Variants in MMRN1 observed in about 807,000 individuals in gnomAD.
The protein encoded by MMRN1 is multimerin-1.
MMRN1 carries 94 observed loss-of-function variants against 100.7 expected under a neutral mutation model. The observed-to-expected ratio is 0.93, with a 90% CI of 0.79 to 1.11. The LOEUF is 1.11. MMRN1 is among the 50% of genes least tolerant of loss of function. The probability of loss-of-function intolerance (pLI) is 0.00; values close to 1 mark genes in which losing one functional copy is unlikely to be tolerated. For synonymous variants in MMRN1, 575 were observed against 505.0 expected, an observed-to-expected ratio of 1.14 and a Z score of -1.86; for missense variants, 1,606 against 1,439.1, an observed-to-expected ratio of 1.12 and a Z score of -1.88.
intron 1 of MMRN1, among the ~76,000 whole-genome samples, chr4:89,889,132 C>T (rs1720996965): frequency 6.6e-6 from 1 of 152,002 alleles, no homozygotes; most frequent in Non-Finnish European, 1.5e-5. Context: ...TAATATAAAC[C>T]AAAATTGTTG....
chr4:89,923,191 C>T lies in MMRN1; in HGVS notation c.874C>T (p.His292Tyr), dbSNP rs781379902. The change falls in exon 4 of 8, where the codon CAC becomes TAC. Residue 292 changes from histidine (H) to tyrosine (Y), a missense_variant. Physicochemically the swap from His to Tyr is moderately conservative, Grantham distance 83. Transcript: ENST00000264790. Reference protein sequence around the residue: ...LRAQEQQSLIHTNQAESHTAV... With the variant: ...LRAQEQQSLIYTNQAESHTAV... ...AGCCCAGGAACAGCAAAGTTTGATA[C>T]ACACCAACCAGGCTGAAAGTCATAC... is the stretch of plus-strand genomic sequence containing the variant. 14 of 1,613,806 alleles carry T rather than the reference C, an allele frequency of 8.7e-6. No individual in the cohort carries two copies. In the Admixed American group the frequency reaches 2.2e-4, roughly 25 times the overall value.
intron 5 of MMRN1, 47 bp from the exon 6 acceptor site, chr4:89,934,763 G>A (rs745671888): frequency 1.8e-6 from 2 of 1,120,568 alleles, no homozygotes; most frequent in Middle Eastern, 6.3e-4. Flanking sequence ...GATGCTTAAA[G>A]TCTCATATAA....
intron 6 of MMRN1, among the ~76,000 whole-genome samples, chr4:89,941,963 T>C (rs866793780): frequency 6.6e-5 from 10 of 152,150 alleles, no homozygotes; most frequent in African/African-American, 2.4e-4. Context: ...TATGGAAGAA[T>C]GATGACAGCT....
chr4:89,920,042 G>A (rs1722039208), intron 3 of MMRN1, among the ~76,000 whole-genome samples: 1 of 152,070 alleles, frequency 6.6e-6, no homozygotes, highest in Admixed American at 6.6e-5. Context: ...GTTTTCAGAT[G>A]TTGCCACAGT....
intron 1 of MMRN1, among the ~76,000 whole-genome samples, chr4:89,904,075 T>C (rs1033766053): frequency 6.6e-6 from 1 of 151,548 alleles, no homozygotes; most frequent in Non-Finnish European, 1.5e-5. Context: ...AACTCTGATG[T>C]TGCCAGAAAT....
intron 1 of MMRN1, among the ~76,000 whole-genome samples, chr4:89,880,766 G>A (rs1294734531): frequency 6.6e-6 from 1 of 152,076 alleles, no homozygotes; most frequent in South Asian, 2.1e-4. Context: ...GTAATCATGG[G>A]AAGAAGAATA....
At chr4:89,942,142 T>C (rs1722850403) in intron 6 of MMRN1, among the ~76,000 whole-genome samples, 1 of 152,166 alleles carries the variant, frequency 6.6e-6, no homozygotes, top group African/African-American at 2.4e-5. Flanking sequence ...TGGGATGGAA[T>C]TCCAGGTTCC....
chr4:89,903,885 A>G (rs1721469806), intron 1 of MMRN1, among the ~76,000 whole-genome samples: 1 of 134,672 alleles, frequency 7.4e-6, no homozygotes, highest in Admixed American at 8.0e-5. Flanking sequence ...ACCCTTGCCT[A>G]ATTCAGGATT....
At chr4:89,887,935 GCTCT>G (rs1216098136) in intron 1 of MMRN1, among the ~76,000 whole-genome samples, 4 of 151,762 alleles carry the variant, frequency 2.6e-5, no homozygotes, top group East Asian at 1.9e-4. Context: ...AAATTATAAT[GCTCT>G]CTCTCTTCTT....
At chr4:89,915,220 TC>T (rs1721874295) in intron 3 of MMRN1, among the ~76,000 whole-genome samples, 1 of 151,622 alleles carries the variant, frequency 6.6e-6, no homozygotes, top group Non-Finnish European at 1.5e-5. Flanking sequence ...ATCTAGTTCT[TC>T]CCAGCAGTAG....
At chr4:89,928,324 T>G (rs1032259683) in intron 5 of MMRN1, among the ~76,000 whole-genome samples, 1 of 152,156 alleles carries the variant, frequency 6.6e-6, no homozygotes, top group East Asian at 1.9e-4. Context: ...GATAGCTAGT[T>G]GCATGGTTGT....
At chr4:89,905,102 A>C (rs1721523899) in intron 1 of MMRN1, among the ~76,000 whole-genome samples, 1 of 151,624 alleles carries the variant, frequency 6.6e-6, no homozygotes, top group South Asian at 2.1e-4. Flanking sequence ...AACACTTATA[A>C]AAAAATATAA....
chr4:89,927,384 A>G (rs1291171190), intron 4 of MMRN1, among the ~76,000 whole-genome samples: 1 of 152,060 alleles, frequency 6.6e-6, no homozygotes, highest in African/African-American at 2.4e-5. Flanking sequence ...GGCTATTGTA[A>G]ATGAGATTAC....
intron 7 of MMRN1, 25 bp from the exon 8 acceptor site, chr4:89,952,972 C>T (rs777485275): frequency 5.8e-6 from 9 of 1,539,322 alleles, no homozygotes; most frequent in East Asian, 2.3e-5. Flanking sequence ...TGAAAATTAA[C>T]TCTTGCCATT....
rs1721674394 is a variant in MMRN1, at chr4:89,909,414, A to T, written c.743+19A>T. On this transcript the variant is annotated intron_variant, in intron 2 of 7. Coordinates refer to ENST00000264790, the MANE Select transcript of MMRN1 (RefSeq NM_007351.3). The stretch of plus-strand genomic sequence containing the variant: ...CTCAGAGGTATGTAATATTTCTTGA[A>T]AATAGCCACTGTTTTTGCACCATAA... 1 of 1,607,690 alleles carries T rather than the reference A, an allele frequency of 6.2e-7. No homozygotes were observed. The highest frequency in any genetic ancestry group is 8.5e-7 in the Non-Finnish European group (1 of 1,176,228).
At chr4:89,908,931 G>A (rs897820812) in intron 1 of MMRN1, among the ~76,000 whole-genome samples, 3 of 151,148 alleles carry the variant, frequency 2.0e-5, no homozygotes, top group Non-Finnish European at 3.0e-5. Context: ...TAATGGACCC[G>A]GATCTGAGTT....
chr4:89,906,099 A>C (rs1181974958), intron 1 of MMRN1, among the ~76,000 whole-genome samples: 1 of 151,506 alleles, frequency 6.6e-6, no homozygotes, highest in Non-Finnish European at 1.5e-5. Context: ...AATTGGTATG[A>C]CTGGGCCATT....
At chr4:89,946,832 AT>A (rs764117630) in intron 6 of MMRN1, among the ~76,000 whole-genome samples, 1 of 152,222 alleles carries the variant, frequency 6.6e-6, no homozygotes, top group Non-Finnish European at 1.5e-5. Flanking sequence ...AAATTTATAA[AT>A]GAAATATCAG....
chr4:89,902,612 A>G (rs770469189), intron 1 of MMRN1, among the ~76,000 whole-genome samples: 43 of 152,086 alleles, frequency 2.8e-4, no homozygotes, highest in Non-Finnish European at 5.3e-4. Context: ...TGTGGCTGTG[A>G]GGCACTCTAC....
Sources: gnomAD v4.1 joint callset for allele counts (sites outside exome capture counted in the v4.1 genomes callset) on GRCh38, gnomAD v4.1.1 for gene constraint, MANE v1.5 for transcripts, NCBI Gene and HGNC (gene_info 2026-07-23, HGNC 2026-07-21) for gene names.